Variants in METTL14 observed in about 807,000 individuals in gnomAD.
METTL14 encodes N(6)-adenosine-methyltransferase non-catalytic subunit METTL14.
In METTL14, 32 loss-of-function variants were observed where a neutral mutation model predicts 62.4. That is an observed-to-expected ratio of 0.51 (90% CI 0.39 to 0.69). The LOEUF is 0.69. Among genes scored for constraint, METTL14 ranks in the 30% least tolerant of loss-of-function variants. The pLI is 0.00. For missense variants in METTL14, 340 were observed against 551.9 expected (o/e 0.62, Z 3.85); for synonymous variants, 150 against 180.0 (o/e 0.83, Z 1.34).
At position 118,685,610 on chromosome 4, in the gene METTL14, C is replaced by T. The variant is rs201937694; in HGVS notation, c.66+10C>T. On this transcript the variant is annotated intron_variant, in intron 1 of 10. Transcript: ENST00000388822. ...GCTCCTCGCGCAGCAGGTCCGCGGC[C>T]CTGGTGTCCCCTGTGGGAGGGATCG... 3 of 1,613,664 alleles carry T rather than the reference C, an allele frequency of 1.9e-6. No individual in the cohort carries two copies. Among genetic ancestry groups the T allele is most frequent in the South Asian group, 1.1e-5 (1 of 91,046 alleles).
chr4:118,685,613 G>A lies in METTL14; in HGVS notation c.66+13G>A, dbSNP rs777934108. On this transcript the variant is annotated intron_variant, in intron 1 of 10. Coordinates refer to ENST00000388822, the MANE Select transcript of METTL14 (RefSeq NM_020961.4). ...CCTCGCGCAGCAGGTCCGCGGCCCT[G>A]GTGTCCCCTGTGGGAGGGATCGAGA... 6 of 1,613,592 alleles carry A rather than the reference G, an allele frequency of 3.7e-6. No homozygotes were observed. Among genetic ancestry groups the A allele is most frequent in the Non-Finnish European group, 5.1e-6 (6 of 1,179,674 alleles).
Position 118,710,261 on chromosome 4 carries a change from G to A in METTL14, c.1330G>A (p.Gly444Ser), listed in dbSNP as rs777809820. Reference protein sequence around the residue: ...FRGERGGFRGGRGGAHRGGFP... With the variant: ...FRGERGGFRGSRGGAHRGGFP... Reference sequence around the variant, plus strand: ...AGGAGAAAGAGGTGGCTTTAGAGGGGGCCGTGGAGGAGCACACAGAGGTGG... The same window carrying A: ...AGGAGAAAGAGGTGGCTTTAGAGGGAGCCGTGGAGGAGCACACAGAGGTGG... Residue 444 changes from glycine to serine, a missense_variant, in exon 11 of 11, where the codon GGC becomes AGC. Transcript: ENST00000388822. The A allele has an allele frequency of 1.5e-5, 24 of 1,614,104 alleles. No homozygotes were observed. In the South Asian group the frequency reaches 2.6e-4, roughly 18 times the overall value.
chr4:118,694,626 T>G, intron 6 of METTL14, 100 bp downstream of exon 6: 1 of 828,144 alleles, frequency 1.2e-6, no homozygotes, highest in South Asian at 1.6e-5. Flanking sequence ...ATTCAGCACT[T>G]ATGTTAACAT....
intron 3 of METTL14, 25 bp from the exon 4 acceptor site, chr4:118,691,507 T>C: frequency 7.3e-7 from 1 of 1,362,442 alleles, no homozygotes; most frequent in Non-Finnish European, 1.0e-6. Context: ...TTGTAAAATA[T>C]TTACTTAATC....
intron 8 of METTL14, among the ~76,000 whole-genome samples, chr4:118,701,183 G>GTTTTTTT (rs373953605): frequency 2.3e-5 from 3 of 132,308 alleles, no homozygotes; most frequent in Non-Finnish European, 3.3e-5. Context: ...GTTTTTTTTT[G>GTTTTTTT]TTTTTTTTTG....
chr4:118,710,495 A>G lies in METTL14; in HGVS notation c.*193A>G, dbSNP rs1481475185. The G allele has an allele frequency of 1.7e-6, 1 of 571,676 alleles. No individual in the cohort carries two copies. Among genetic ancestry groups the G allele is most frequent in the Non-Finnish European group, 3.0e-6 (1 of 328,592 alleles). The allele number at this position is 571,676 out of a possible 1,614,324, so 35.4% of individuals were successfully genotyped here. A position where few individuals can be genotyped will look rare whatever the true frequency, so the allele number is the denominator to read the frequency against. On this transcript the variant is annotated 3_prime_UTR_variant, in exon 11 of 11. Coordinates refer to ENST00000388822, the MANE Select transcript of METTL14 (RefSeq NM_020961.4). The stretch of plus-strand genomic sequence containing the variant: ...TGTCTGGTTTTTTTCAGGATAAATG[A>G]ATGATTCTGCCTTTTGTTATGTGCG...
At chr4:118,689,572 A>C (rs1396045686) in intron 3 of METTL14, 115 bp downstream of exon 3, 1 of 559,010 alleles carries the variant, frequency 1.8e-6, no homozygotes, top group African/African-American at 1.9e-5. Context: ...TGCTAAAATA[A>C]TTGTCAGTGG....
chr4:118,686,609 T>C (rs949758961), intron 1 of METTL14: 1 of 456,274 alleles, frequency 2.2e-6, no homozygotes, highest in South Asian at 1.5e-5. Flanking sequence ...CTTTGTTCCT[T>C]ATCCCGCTGG....
chr4:118,691,834 A>G, intron 4 of METTL14, 147 bp from the exon 5 acceptor site: 1 of 622,948 alleles, frequency 1.6e-6, no homozygotes, highest in Non-Finnish European at 2.7e-6. Flanking sequence ...GAAAAGTAAT[A>G]ATTTTAGTTG....
At chr4:118,709,505 A>G (rs1266772211) in intron 10 of METTL14, among the ~76,000 whole-genome samples, 1 of 152,124 alleles carries the variant, frequency 6.6e-6, no homozygotes, top group Non-Finnish European at 1.5e-5. Context: ...CTTAAATTTG[A>G]GGGTGGCAGC....
intron 2 of METTL14, among the ~76,000 whole-genome samples, chr4:118,688,684 A>T (rs1391283045): frequency 6.6e-6 from 1 of 152,052 alleles, no homozygotes; most frequent in African/African-American, 2.4e-5. Flanking sequence ...ATATTTAAAC[A>T]TTTTTTTGGA....
chr4:118,694,064 G>A (rs1452322530), intron 5 of METTL14, among the ~76,000 whole-genome samples: 1 of 112,492 alleles, frequency 8.9e-6, no homozygotes, highest in Non-Finnish European at 2.0e-5. Flanking sequence ...TTTAGGATAA[G>A]GATTTTTTTT....
At chr4:118,699,648 C>G (rs2110405004) in intron 7 of METTL14, among the ~76,000 whole-genome samples, 1 of 152,212 alleles carries the variant, frequency 6.6e-6, no homozygotes, top group Middle Eastern at 3.4e-3. Context: ...TTTTCTCTAG[C>G]CAATCCGTGA....
intron 2 of METTL14, 124 bp from the exon 3 acceptor site, chr4:118,689,246 A>G (rs1453999878): frequency 5.9e-6 from 3 of 505,466 alleles, no homozygotes; most frequent in Non-Finnish European, 7.1e-6. Context: ...AACTGCGTAG[A>G]TAGATATTCT....
At chr4:118,697,119 T>C in intron 6 of METTL14, 63 bp from the exon 7 acceptor site, 1 of 1,280,308 alleles carries the variant, frequency 7.8e-7, no homozygotes, top group Non-Finnish European at 1.1e-6. Flanking sequence ...GTTAAGGTAC[T>C]TGAAAATCTT....
At chr4:118,690,285 G>T (rs911159710) in intron 3 of METTL14, among the ~76,000 whole-genome samples, 3 of 150,672 alleles carry the variant, frequency 2.0e-5, no homozygotes, top group Non-Finnish European at 4.4e-5. Flanking sequence ...TGATCCACCC[G>T]CCTCGGCCTC....
chr4:118,688,441 C>CAAA (rs10549507), intron 2 of METTL14, among the ~76,000 whole-genome samples: 1 of 118,682 alleles, frequency 8.4e-6, no homozygotes, highest in African/African-American at 3.4e-5. Flanking sequence ...GACTCCGTCT[C>CAAA]AAAAAAAAAA....
rs372464710 is a variant in METTL14, at chr4:118,685,712, G to C, written c.66+112G>C. The C allele has an allele frequency of 6.3e-5, 56 of 883,590 alleles. No individual in the cohort carries two copies. In the East Asian group the frequency reaches 1.2e-3, roughly 18 times the overall value. 54.7% of individuals were successfully genotyped at this position (883,590 alleles called of 1,614,324 possible). A position where few individuals can be genotyped will look rare whatever the true frequency, so the allele number is the denominator to read the frequency against. On this transcript the variant is annotated intron_variant, in intron 1 of 10. Coordinates refer to ENST00000388822, the MANE Select transcript of METTL14 (RefSeq NM_020961.4). ...CCCTTCTCTACCTGCCGCTGTTAAG[G>C]CCTTTCTGGTCCTGCGATCTTGATC...
At chr4:118,700,440 T>C (rs1724554990) in intron 7 of METTL14, 110 bp from the exon 8 acceptor site, 1 of 768,684 alleles carries the variant, frequency 1.3e-6, no homozygotes, top group Non-Finnish European at 2.1e-6. Flanking sequence ...TGGAAACTAA[T>C]ACACTTAAAG....
Sources: allele counts gnomAD v4.1 joint callset (sites outside exome capture counted in the v4.1 genomes callset), GRCh38; gene constraint gnomAD v4.1.1; transcripts MANE v1.5; gene names NCBI Gene and HGNC (gene_info 2026-07-23, HGNC 2026-07-21).